Variants in BCAS3 observed in about 807,000 individuals in gnomAD.
BCAS3 encodes the protein BCAS3 microtubule associated cell migration factor.
In BCAS3, 53 loss-of-function variants were observed where a neutral mutation model predicts 116.1. The observed-to-expected ratio is 0.46, with a 90% CI of 0.37 to 0.57. BCAS3 has a LOEUF of 0.57. Among genes scored for constraint, BCAS3 ranks in the 20% least tolerant of loss-of-function variants. BCAS3 has a pLI of 0.00. For synonymous variants in BCAS3, 391 were observed against 408.2 expected (o/e 0.96, Z 0.51); for missense variants, 917 against 1,165.4 (o/e 0.79, Z 3.10).
At chr17:60,977,770 C>T (rs909074353) in intron 14 of BCAS3, among the ~76,000 whole-genome samples, 1 of 150,102 alleles carries the variant, frequency 6.7e-6, no homozygotes, top group African/African-American at 2.5e-5. Context: ...TTTGTTCTTG[C>T]CATAGTTTAC....
chr17:61,190,587 C>CA (rs1488068883), intron 22 of BCAS3, among the ~76,000 whole-genome samples: 2 of 142,794 alleles, frequency 1.4e-5, no homozygotes, highest in East Asian at 2.2e-4. Context: ...CTCATCTCTA[C>CA]AAAAAAATTT....
intron 22 of BCAS3, among the ~76,000 whole-genome samples, chr17:61,120,626 C>G (rs1204992679): frequency 6.6e-6 from 1 of 152,070 alleles, no homozygotes; most frequent in Admixed American, 6.5e-5. Context: ...ATATGCTACC[C>G]CGCTACTCTA....
chr17:60,975,441 G>A (rs958478649), intron 14 of BCAS3, among the ~76,000 whole-genome samples: 1 of 152,186 alleles, frequency 6.6e-6, no homozygotes, highest in Non-Finnish European at 1.5e-5. Flanking sequence ...AACTAAGGGG[G>A]CTATTAAAAG....
intron 6 of BCAS3, among the ~76,000 whole-genome samples, chr17:60,796,874 G>A (rs1388198260): frequency 2.6e-5 from 4 of 152,034 alleles, no homozygotes; most frequent in Admixed American, 2.0e-4. Flanking sequence ...TCTTAGCACC[G>A]CCTTTGCTAT....
At position 60,889,736 on chromosome 17, in the gene BCAS3, C is replaced by T. The variant is rs1259885312; in HGVS notation, c.703C>T (p.Leu235Phe). ...AGGGCCAAACATGAATCCTATTGCTCTTGGGAGCCGCTGGCTTGCTTATGC... is the reference window on the plus strand; with the variant it reads ...AGGGCCAAACATGAATCCTATTGCTTTTGGGAGCCGCTGGCTTGCTTATGC... ...CPGPNMNPIALGSRWLAYAEN... is the reference protein window; with the variant it reads ...CPGPNMNPIAFGSRWLAYAEN... The change falls in exon 10 of 24, where the codon CTT becomes TTT. Residue 235 changes from leucine to phenylalanine, a missense_variant. Leu to Phe is a conservative substitution (Grantham distance 22). Around this residue, in one of 3 missense-constraint regions of BCAS3, gnomAD observed 807 missense variants for 1,026.0 expected, o/e 0.79. Coordinates refer to ENST00000407086, the MANE Select transcript of BCAS3 (RefSeq NM_017679.5). 9 of 1,613,232 alleles carry T rather than the reference C, an allele frequency of 5.6e-6. No individual in the cohort carries two copies. The highest frequency in any genetic ancestry group is 1.3e-5 in the African/African-American group (1 of 74,892).
intron 22 of BCAS3, among the ~76,000 whole-genome samples, chr17:61,292,370 G>A (rs181314558): frequency 7.9e-5 from 12 of 152,248 alleles, no homozygotes; most frequent in African/African-American, 2.9e-4. Context: ...GAAATGAGGG[G>A]CCGGGCATGG....
At chr17:60,724,078 A>C (rs1260172701) in intron 5 of BCAS3, among the ~76,000 whole-genome samples, 2 of 151,692 alleles carry the variant, frequency 1.3e-5, no homozygotes, top group Non-Finnish European at 2.9e-5. Context: ...CCGATTTTTT[A>C]TCTTTTACTC....
chr17:61,301,942 G>T (rs1338177485), intron 22 of BCAS3, among the ~76,000 whole-genome samples: 3 of 152,106 alleles, frequency 2.0e-5, no homozygotes, highest in Admixed American at 2.0e-4. Context: ...ACAAATGTCT[G>T]CATATTTTCA....
At position 60,994,072 on chromosome 17, in the gene BCAS3, T is replaced by A. The variant is rs1241137026; in HGVS notation, c.1486+3837T>A. Among the ~76,000 whole-genome samples, 1 of 152,136 alleles carries A rather than the reference T, an allele frequency of 6.6e-6. No homozygotes were observed. The highest frequency in any genetic ancestry group is 1.5e-5 in the Non-Finnish European group (1 of 68,002). On this transcript the variant is annotated intron_variant, in intron 15 of 23. Transcript: ENST00000407086. This position sits in a 1 kb window ranked among gnomAD's most constrained non-coding sequence, Gnocchi z 4.4. Reference sequence around the variant, plus strand: ...CCTTTAACCAAAAGTAAGCATTTCCTTTTTGTTATGAACATGGAAAATACA... The same window carrying A: ...CCTTTAACCAAAAGTAAGCATTTCCATTTTGTTATGAACATGGAAAATACA...
intron 14 of BCAS3, among the ~76,000 whole-genome samples, chr17:60,963,068 G>A (rs897151877): frequency 5.9e-5 from 9 of 152,102 alleles, no homozygotes; most frequent in Non-Finnish European, 1.0e-4. Context: ...TGTATGTTTG[G>A]TTTCTCTAGT....
At chr17:61,207,878 T>C (rs2081236711) in intron 22 of BCAS3, among the ~76,000 whole-genome samples, 2 of 152,066 alleles carry the variant, frequency 1.3e-5, no homozygotes, top group African/African-American at 4.8e-5. Flanking sequence ...TGAGAAGTGG[T>C]GGGTAGGAAT....
At chr17:60,801,936 T>C (rs1257433345) in intron 6 of BCAS3, among the ~76,000 whole-genome samples, 1 of 152,166 alleles carries the variant, frequency 6.6e-6, no homozygotes, top group East Asian at 1.9e-4. Flanking sequence ...TTTCAATTTC[T>C]TGTGTGTAAA....
At chr17:60,931,925 T>C (rs1003716991) in intron 13 of BCAS3, among the ~76,000 whole-genome samples, 2 of 152,002 alleles carry the variant, frequency 1.3e-5, no homozygotes, top group Middle Eastern at 3.4e-3. Context: ...ATACAAAAAT[T>C]AGCTGGGTGT....
intron 22 of BCAS3, among the ~76,000 whole-genome samples, chr17:61,288,728 T>A (rs905294340): frequency 2.6e-5 from 4 of 152,172 alleles, no homozygotes; most frequent in Non-Finnish European, 4.4e-5. Context: ...AATGCAGAGA[T>A]GCCTAGAAAG....
In BCAS3 at chr17:61,380,536, TC is replaced by T. The variant is rs752011097; in HGVS notation, c.2594-11435del. On this transcript the variant is annotated intron_variant, in intron 23 of 23. Transcript: ENST00000407086. This position sits in a 1 kb window ranked among gnomAD's most constrained non-coding sequence, Gnocchi z 4.2. The stretch of plus-strand genomic sequence containing the variant: ...GCCCTTGACGTAGCAGTAAAAACCT[TC>T]CCCCCTGAGAGACACGTGGCAGTGA... 4 of 1,598,010 alleles carry T rather than the reference TC, an allele frequency of 2.5e-6. No homozygotes were observed. In the African/African-American group the frequency reaches 5.3e-5, roughly 21 times the overall value.
Position 60,974,104 on chromosome 17 carries a change from G to T in BCAS3, c.1222-15867G>T, listed in dbSNP as rs1235709062. On this transcript the variant is annotated intron_variant, in intron 14 of 23. Transcript: ENST00000407086. ...GATGTGACCACAGGATCTGCATTTT[G>T]TACAGATCATCTAAGTGCTTCTTAT... Among the ~76,000 whole-genome samples, 4 of 152,134 alleles carry T rather than the reference G, an allele frequency of 2.6e-5. No individual in the cohort carries two copies. The South Asian group carries it at 6.2e-4, about 24-fold the overall frequency.
At chr17:61,076,860 G>A (rs1429821680) in intron 20 of BCAS3, among the ~76,000 whole-genome samples, 1 of 152,154 alleles carries the variant, frequency 6.6e-6, no homozygotes, top group African/African-American at 2.4e-5. Context: ...TTTTCTCCCT[G>A]TGATTAGTAG....
At chr17:61,271,437 T>TTTTG (rs2050251666) in intron 22 of BCAS3, among the ~76,000 whole-genome samples, 1 of 136,110 alleles carries the variant, frequency 7.3e-6, no homozygotes, top group African/African-American at 2.7e-5. Flanking sequence ...TTTTTTTTTT[T>TTTTG]GTCTTAGGTG....
At chr17:61,375,705 G>A (rs916347240) in intron 23 of BCAS3, among the ~76,000 whole-genome samples, 2 of 151,786 alleles carry the variant, frequency 1.3e-5, no homozygotes, top group African/African-American at 4.8e-5. Flanking sequence ...CCTGGGTAGC[G>A]TGGATTACAG....
Sources: gnomAD v4.1 joint callset for allele counts (sites outside exome capture counted in the v4.1 genomes callset) on GRCh38, gnomAD v4.1.1 for gene constraint, gnomAD v4.1.1 regional missense constraint, Gnocchi (gnomAD v3.1) non-coding constraint, MANE v1.5 for transcripts, NCBI Gene and HGNC (gene_info 2026-07-23, HGNC 2026-07-21) for gene names.